The following ADAMTSL1 variants were observed in gnomAD, a reference collection of about 807,000 sequenced individuals.
ADAMTSL1 encodes ADAMTS-like protein 1.
A neutral mutation model predicts 201.8 loss-of-function variants in ADAMTSL1; 126 were observed. That is an observed-to-expected ratio of 0.62 (90% CI 0.54 to 0.72). ADAMTSL1 has a LOEUF of 0.72. Among genes scored for constraint, ADAMTSL1 ranks in the 30% least tolerant of loss-of-function variants. The probability of loss-of-function intolerance (pLI) is 0.00; values close to 1 mark genes in which losing one functional copy is unlikely to be tolerated. For synonymous variants in ADAMTSL1, 1,121 were observed against 903.4 expected, an observed-to-expected ratio of 1.24 and a Z score of -4.32; for missense variants, 2,679 against 2,277.8, an observed-to-expected ratio of 1.18 and a Z score of -3.59.
intron 15 of ADAMTSL1, among the ~76,000 whole-genome samples, chr9:18,748,541 G>A (rs1043639764): frequency 6.6e-6 from 1 of 152,170 alleles, no homozygotes; most frequent in South Asian, 2.1e-4. Flanking sequence ...AGTTTGTCAC[G>A]AAAAGAGTTT....
At chr9:18,851,302 G>A (rs183643333) in intron 23 of ADAMTSL1, among the ~76,000 whole-genome samples, 1 of 152,216 alleles carries the variant, frequency 6.6e-6, no homozygotes, top group East Asian at 1.9e-4. Context: ...GTGAGAAAGG[G>A]TAATAAAGAG....
chr9:17,988,354 C>T (rs1437779476), intron 1 of ADAMTSL1, among the ~76,000 whole-genome samples: 5 of 151,932 alleles, frequency 3.3e-5, no homozygotes, highest in Non-Finnish European at 7.4e-5. Flanking sequence ...TTTCAAATAC[C>T]TACCTCAATA....
At chr9:18,722,526 A>G (rs547914022) in intron 15 of ADAMTSL1, among the ~76,000 whole-genome samples, 11 of 152,322 alleles carry the variant, frequency 7.2e-5, no homozygotes, top group South Asian at 2.1e-4. Context: ...GCTGTCAGGC[A>G]TTAACAATAG....
intron 10 of ADAMTSL1, among the ~76,000 whole-genome samples, chr9:18,676,919 A>G (rs923542525): frequency 6.6e-6 from 1 of 152,098 alleles, no homozygotes; most frequent in Non-Finnish European, 1.5e-5. Flanking sequence ...GCAACTCCCC[A>G]TTGATGCTTC....
At position 17,971,825 on chromosome 9, in the gene ADAMTSL1, T is replaced by C. The variant is rs568134120; in HGVS notation, c.87+64903T>C. On this transcript the variant is annotated intron_variant, in intron 1 of 29. Coordinates refer to the ADAMTSL1 transcript ENST00000680146. Reference sequence around the variant, plus strand: ...GGAGATTATCCTTTTTATTATTTTATATGGGGAAAAAGACAACTTAAAGCA... The same window carrying C: ...GGAGATTATCCTTTTTATTATTTTACATGGGGAAAAAGACAACTTAAAGCA... 5.3e-5 allele frequency among the ~76,000 whole-genome samples: 8 copies of C among 152,118 alleles called. No individual in the cohort carries two copies. In the East Asian group the frequency reaches 7.7e-4, roughly 15 times the overall value.
chr9:18,698,288 A>G (rs1831686325), intron 13 of ADAMTSL1, among the ~76,000 whole-genome samples: 1 of 149,958 alleles, frequency 6.7e-6, no homozygotes, highest in Non-Finnish European at 1.5e-5. Flanking sequence ...CAATATTTTA[A>G]TTTTTTTTTT....
intron 2 of ADAMTSL1, among the ~76,000 whole-genome samples, chr9:18,254,518 A>G (rs1385921346): frequency 1.3e-5 from 2 of 150,392 alleles, no homozygotes; most frequent in Non-Finnish European, 3.0e-5. Flanking sequence ...TCCCGCCACC[A>G]CGCCCGGCTA....
chr9:18,245,901 AG>A (rs1831243678), intron 2 of ADAMTSL1, among the ~76,000 whole-genome samples: 1 of 152,182 alleles, frequency 6.6e-6, no homozygotes, highest in Non-Finnish European at 1.5e-5. Context: ...TAGAAACTAA[AG>A]TATCACCATT....
intron 23 of ADAMTSL1, among the ~76,000 whole-genome samples, chr9:18,870,673 A>C (rs930603640): frequency 6.6e-6 from 1 of 152,178 alleles, no homozygotes; most frequent in Non-Finnish European, 1.5e-5. Flanking sequence ...TCAGGCAAAA[A>C]AAAACACAAG....
intron 2 of ADAMTSL1, among the ~76,000 whole-genome samples, chr9:18,218,889 C>T (rs968895665): frequency 1.3e-5 from 2 of 151,952 alleles, no homozygotes; most frequent in Non-Finnish European, 2.9e-5. Context: ...TTGTAATTTT[C>T]ACAGTTAGAT....
chr9:18,158,583 T>G (rs987905822), intron 1 of ADAMTSL1, among the ~76,000 whole-genome samples: 1 of 152,032 alleles, frequency 6.6e-6, no homozygotes, highest in Non-Finnish European at 1.5e-5. Context: ...CAAGTGAAAT[T>G]TACTGAAATC....
At chr9:18,565,352 G>A (rs1030277238) in intron 3 of ADAMTSL1, among the ~76,000 whole-genome samples, 2 of 152,124 alleles carry the variant, frequency 1.3e-5, no homozygotes, top group Non-Finnish European at 1.5e-5. Flanking sequence ...GCATGAACTT[G>A]ATCTATTGTA....
chr9:18,112,947 A>G (rs1357975659), intron 1 of ADAMTSL1, among the ~76,000 whole-genome samples: 1 of 152,150 alleles, frequency 6.6e-6, no homozygotes, highest in Non-Finnish European at 1.5e-5. Flanking sequence ...TTGAACTTGT[A>G]CAGTCAATCA....
intron 2 of ADAMTSL1, among the ~76,000 whole-genome samples, chr9:18,204,704 G>C (rs920700683): frequency 2.0e-5 from 3 of 152,038 alleles, no homozygotes; most frequent in Non-Finnish European, 2.9e-5. Flanking sequence ...TGTTCAGAAT[G>C]ATGTGTGTGA....
chr9:18,388,426 A>C (rs1306054521), intron 2 of ADAMTSL1, among the ~76,000 whole-genome samples: 1 of 151,780 alleles, frequency 6.6e-6, no homozygotes, highest in Non-Finnish European at 1.5e-5. Context: ...GGCACATACC[A>C]CCATGCCTGG....
At chr9:18,465,817 T>C (rs565965869) in intron 2 of ADAMTSL1, among the ~76,000 whole-genome samples, 4 of 152,314 alleles carry the variant, frequency 2.6e-5, no homozygotes, top group African/African-American at 9.6e-5. Context: ...GGCACGATCT[T>C]GGCTCACTGC....
At position 18,777,497 on chromosome 9, in the gene ADAMTSL1, G is replaced by A; in HGVS notation, c.3268G>A (p.Glu1090Lys). The change falls in exon 19 of 29, where the codon GAG (glutamate) becomes AAG (lysine). Residue 1090 changes from glutamate to lysine, a missense_variant. Glu to Lys is a moderately conservative substitution (Grantham distance 56, BLOSUM62 1). Coordinates refer to ENST00000380548, the MANE Select transcript of ADAMTSL1 (RefSeq NM_001040272.6). ...DILGNLSQQPEELRDLYSKHL... is the reference protein window; with the variant it reads ...DILGNLSQQPKELRDLYSKHL... The stretch of plus-strand genomic sequence containing the variant: ...CCTGGGGAACCTCTCCCAGCAGCCC[G>A]AGGAGCTGCGCGACCTCTACAGCAA... The A allele has an allele frequency of 6.3e-7, 1 of 1,595,600 alleles. No homozygotes were observed. The highest frequency in any genetic ancestry group is 8.5e-7 in the Non-Finnish European group (1 of 1,171,538).
chr9:18,826,072 A>G, intron 21 of ADAMTSL1: 1 of 625,154 alleles, frequency 1.6e-6, no homozygotes, highest in Non-Finnish European at 2.8e-6. Context: ...ATCTTGTATC[A>G]ACATTTATTC....
chr9:18,326,530 A>G (rs567784412), intron 2 of ADAMTSL1, among the ~76,000 whole-genome samples: 1 of 152,172 alleles, frequency 6.6e-6, no homozygotes. Flanking sequence ...CATGCTTTGT[A>G]TTTTACTAAC....
Sources: allele counts gnomAD v4.1 joint callset (sites outside exome capture counted in the v4.1 genomes callset), GRCh38; gene constraint gnomAD v4.1.1; transcripts MANE v1.5; gene names NCBI Gene and HGNC (gene_info 2026-07-23, HGNC 2026-07-21).